The following ZNF333 variants were observed in gnomAD, a reference collection of about 807,000 sequenced individuals.
ZNF333 encodes zinc finger protein 333.
A neutral mutation model predicts 76.1 loss-of-function variants in ZNF333; 61 were observed. The ratio of observed to expected loss-of-function variants is 0.80; its 90% confidence interval spans 0.65 to 0.99. ZNF333 has a LOEUF of 0.99. ZNF333 is among the 50% of genes least tolerant of loss of function. The pLI is 0.00. For missense variants in ZNF333, 717 were observed against 822.4 expected (o/e 0.87, Z 1.57); for synonymous variants, 284 against 305.0 (o/e 0.93, Z 0.72).
chr19:14,723,131 C>A (rs1350015102), downstream of ZNF333, among the ~76,000 whole-genome samples: 2 of 152,164 alleles, frequency 1.3e-5, no homozygotes, highest in African/African-American at 2.4e-5. Context: ...CAACTTCATT[C>A]TTTTGCATGT....
At chr19:14,728,107 G>A (rs1422418012) in intron 11 of ZNF333, among the ~76,000 whole-genome samples, 1 of 152,204 alleles carries the variant, frequency 6.6e-6, no homozygotes, top group Non-Finnish European at 1.5e-5. Context: ...CAACTACTCG[G>A]GAGGCTGAGG....
intron 5 of ZNF333, among the ~76,000 whole-genome samples, chr19:14,700,599 A>G (rs1973605542): frequency 6.6e-6 from 1 of 152,174 alleles, no homozygotes; most frequent in Non-Finnish European, 1.5e-5. Context: ...GAGAAAATAT[A>G]CACGGAGTCC....
At chr19:14,724,358 G>GAGC (rs2042621026), downstream of ZNF333, among the ~76,000 whole-genome samples, 1 of 152,196 alleles carries the variant, frequency 6.6e-6, no homozygotes, top group Admixed American at 6.5e-5. Context: ...TTCACTTGGG[G>GAGC]AGCACATGGT....
rs1599722320 is a variant in ZNF333 at position 14,706,675 on chromosome 19, A to G, written c.424-11A>G. On this transcript the variant is annotated splice_polypyrimidine_tract_variant and intron_variant, in intron 6 of 11. Transcript: ENST00000292530. Reference sequence around the variant, plus strand: ...TTGACTCTAATCTGTGACCCCTGTCACTCTGTCCAGGGACTGAAGGCCGCT... The same window carrying G: ...TTGACTCTAATCTGTGACCCCTGTCGCTCTGTCCAGGGACTGAAGGCCGCT... 1 of 1,611,582 alleles carries G rather than the reference A, an allele frequency of 6.2e-7. No homozygotes were observed. Among genetic ancestry groups the G allele is most frequent in the Non-Finnish European group, 8.5e-7 (1 of 1,177,944 alleles).
intron 2 of ZNF333, 64 bp downstream of exon 2, chr19:14,693,558 G>T: frequency 6.5e-7 from 1 of 1,538,164 alleles, no homozygotes; most frequent in Non-Finnish European, 8.9e-7. Context: ...TGTCCTCTGG[G>T]CCCTGTCTTC....
intron 8 of ZNF333, 147 bp from the exon 9 acceptor site, chr19:14,715,965 T>C (rs1199525582): frequency 7.5e-7 from 1 of 1,334,690 alleles, no homozygotes; most frequent in Admixed American, 2.2e-5. Context: ...AGTCCTGAGC[T>C]AAGGGCCAGA....
At chr19:14,727,620 G>A (rs923815750) in intron 11 of ZNF333, among the ~76,000 whole-genome samples, 8 of 152,086 alleles carry the variant, frequency 5.3e-5, no homozygotes, top group Non-Finnish European at 7.4e-5. Flanking sequence ...CCTCCCACCA[G>A]GCCCCACCTC....
intron 3 of ZNF333, 50 bp from the exon 4 acceptor site, chr19:14,695,516 C>T: frequency 6.4e-7 from 1 of 1,551,686 alleles, no homozygotes; most frequent in Non-Finnish European, 8.9e-7. Context: ...AGTTTGTTTT[C>T]CCCTGCAAGC....
In ZNF333 at chr19:14,721,877, CT is replaced by C. The variant is rs1177153609; in HGVS notation, c.*2553del. 6.6e-6 allele frequency: 1 copy of C among 152,168 alleles called. No homozygotes were observed. The highest frequency in any genetic ancestry group is 2.4e-5 in the African/African-American group (1 of 41,432). The allele number at this position is 152,168 out of a possible 1,614,324, so 9.4% of individuals were successfully genotyped here. On this transcript the variant is annotated 3_prime_UTR_variant, in exon 12 of 12. Coordinates refer to ENST00000292530, the MANE Select transcript of ZNF333 (RefSeq NM_032433.4). ...GGTTTTATTGTTATGAATAAAGCTG[CT>C]GTGAATGTTCTTGTTAAGTCATACT...
Position 14,718,618 on chromosome 19 carries a change from T to G in ZNF333, c.1291T>G (p.Phe431Val). The G allele has an allele frequency of 6.2e-7, 1 of 1,613,864 alleles. No homozygotes were observed. ...TGAATGTAGTCAGTGTGGGAAAACC[T>G]TCACGAGGAACTTTAACCTGATTTT... ...PFECSQCGKT[F>V]TRNFNLILHQ... is the part of the protein sequence containing the mutation. Residue 431 changes from phenylalanine (F) to valine (V), a missense_variant, in exon 12 of 12, where the codon TTC (phenylalanine) becomes GTC (valine). Transcript: ENST00000292530.
chr19:14,694,187 A>G (rs1972990871), intron 2 of ZNF333, among the ~76,000 whole-genome samples: 1 of 151,994 alleles, frequency 6.6e-6, no homozygotes, highest in Non-Finnish European at 1.5e-5. Flanking sequence ...GGATTCTCAG[A>G]TGAGGCCGGG....
chr19:14,709,990 G>A (rs568324902), intron 7 of ZNF333, among the ~76,000 whole-genome samples: 67 of 152,362 alleles, frequency 4.4e-4, no homozygotes, highest in Non-Finnish European at 8.4e-4. Context: ...GGTTCGGAGA[G>A]AGGATATCAG....
rs374969005 is a variant in ZNF333 at position 14,716,136 on chromosome 19, G to T, written c.625G>T (p.Ala209Ser). ...SQEPVTFADV[A>S]VVFTPEEWVF... ...GGAACCAGTCACCTTTGCAGATGTG[G>T]CTGTGGTGTTCACCCCAGAAGAATG... The change falls in exon 9 of 12, where the codon GCT becomes TCT. Residue 209 changes from alanine (A) to serine (S), a missense_variant. By Grantham distance (99) the Ala-to-Ser change is moderately conservative. Coordinates refer to ENST00000292530, the MANE Select transcript of ZNF333 (RefSeq NM_032433.4). 1 of 1,614,186 alleles carries T rather than the reference G, an allele frequency of 6.2e-7. No individual in the cohort carries two copies. The highest frequency in any genetic ancestry group is 2.2e-5 in the East Asian group (1 of 44,882).
intron 7 of ZNF333, among the ~76,000 whole-genome samples, chr19:14,711,263 TAGG>T (rs2042266129): frequency 6.6e-6 from 1 of 152,158 alleles, no homozygotes; most frequent in African/African-American, 2.4e-5. Context: ...TCTTACCAGT[TAGG>T]GGGGCGGGAA....
At position 14,719,376 on chromosome 19, in the gene ZNF333, A is replaced by G; in HGVS notation, c.*51A>G. 1 of 1,514,526 alleles carries G rather than the reference A, an allele frequency of 6.6e-7. No individual in the cohort carries two copies. Among genetic ancestry groups the G allele is most frequent in the Non-Finnish European group, 8.8e-7 (1 of 1,130,122 alleles). The allele number at this position is 1,514,526 out of a possible 1,614,324, so 93.8% of individuals were successfully genotyped here. ...CATGGGGCTATGACTTTCCCTCGTAATACTCCTTTAGCTGCATCCTGTGTT... is the reference window on the plus strand; with the variant it reads ...CATGGGGCTATGACTTTCCCTCGTAGTACTCCTTTAGCTGCATCCTGTGTT... On this transcript the variant is annotated 3_prime_UTR_variant, in exon 12 of 12. Coordinates refer to ENST00000292530, the MANE Select transcript of ZNF333 (RefSeq NM_032433.4).
intron 4 of ZNF333, among the ~76,000 whole-genome samples, chr19:14,697,467 TC>T (rs1214142524): frequency 1.4e-5 from 2 of 143,884 alleles, no homozygotes; most frequent in East Asian, 4.5e-4. Flanking sequence ...GCTCAAGCAA[TC>T]CTCCCACCTC....
chr19:14,699,334 A>G, intron 5 of ZNF333, 53 bp downstream of exon 5: 1 of 1,503,438 alleles, frequency 6.7e-7, no homozygotes, highest in Non-Finnish European at 9.3e-7. Context: ...GTTGAGGAAC[A>G]CGTGAGGTGG....
At chr19:14,732,257 T>C (rs2042677823) in exon 12 of ZNF333, 1 of 152,174 alleles carries the variant, frequency 6.6e-6, no homozygotes, top group African/African-American at 2.4e-5. Flanking sequence ...GTGCTCACTT[T>C]GTGTCCCTGC....
At position 14,720,039 on chromosome 19, in the gene ZNF333, A is replaced by T; in HGVS notation, c.*714A>T. On this transcript the variant is annotated 3_prime_UTR_variant, in exon 12 of 12. Transcript: ENST00000292530. ...CCTCTCTACTAAAAATATAAAAATT[A>T]GCCAAGTTTGGTGGCATGCACCTGT... 5.0e-6 allele frequency: 4 copies of T among 793,244 alleles called. No homozygotes were observed. Among genetic ancestry groups the T allele is most frequent in the Non-Finnish European group, 6.1e-6 (4 of 654,774 alleles). The allele number at this position is 793,244 out of a possible 1,614,324, so 49.1% of individuals were successfully genotyped here.
Sources: gnomAD v4.1 joint callset for allele counts (sites outside exome capture counted in the v4.1 genomes callset) on GRCh38, gnomAD v4.1.1 for gene constraint, MANE v1.5 for transcripts, NCBI Gene and HGNC (gene_info 2026-07-23, HGNC 2026-07-21) for gene names.